The following HPSE2 variants were observed in gnomAD, a reference collection of about 807,000 sequenced individuals.
HPSE2 encodes the protein inactive heparanase-2.
Under a neutral mutation model 60.5 loss-of-function variants are expected in HPSE2, and 38 were observed. The observed-to-expected ratio is 0.63, with a 90% CI of 0.48 to 0.82. The LOEUF is 0.82. Among genes scored for constraint, HPSE2 ranks in the 40% least tolerant of loss-of-function variants. HPSE2 has a pLI of 0.00. For synonymous variants in HPSE2, 295 were observed against 293.2 expected (o/e 1.01, Z -0.06); for missense variants, 713 against 740.4 (o/e 0.96, Z 0.43).
At chr10:98,789,078 A>G (rs922652367) in intron 3 of HPSE2, among the ~76,000 whole-genome samples, 2 of 152,174 alleles carry the variant, frequency 1.3e-5, no homozygotes, top group African/African-American at 4.8e-5. Context: ...CTTCCCCAGT[A>G]GAATGTAAGC....
chr10:98,753,369 AC>A lies in HPSE2; in HGVS notation c.611-9314del, dbSNP rs202042489. 1.4e-4 allele frequency among the ~76,000 whole-genome samples: 22 copies of A among 152,290 alleles called. No homozygotes were observed. In the East Asian group the frequency reaches 4.2e-3, roughly 29 times the overall value. ...TTCTCAAAAAGCTAGATCTAAAATT[AC>A]CATATGATTCACAATTTCACTCCTA... is the stretch of plus-strand genomic sequence containing the variant. On this transcript the variant is annotated intron_variant, in intron 3 of 11. Transcript: ENST00000370552.
At chr10:99,202,922 G>A (rs1187695026) in intron 2 of HPSE2, among the ~76,000 whole-genome samples, 1 of 151,834 alleles carries the variant, frequency 6.6e-6, no homozygotes, top group African/African-American at 2.4e-5. Flanking sequence ...AGCACATCAT[G>A]GAGAGAGAAG....
the HPSE2 span, among the ~76,000 whole-genome samples, chr10:99,262,317 A>C: frequency 6.6e-6 from 1 of 152,068 alleles, no homozygotes; most frequent in Non-Finnish European, 1.5e-5. Flanking sequence ...ACTCCTTTTT[A>C]GTTATCCCTA....
rs952489087 is a variant in HPSE2, at chr10:98,569,911, A to C, written c.1320+44993T>G. ...CTCCAACTCCCAAACAACTGCCACA[A>C]ATTAAACTTCTTCATATCCATTTTC... On this transcript the variant is annotated intron_variant, in intron 9 of 11. Coordinates refer to ENST00000370552, the MANE Select transcript of HPSE2 (RefSeq NM_021828.5). 3.3e-5 allele frequency among the ~76,000 whole-genome samples: 5 copies of C among 152,216 alleles called. No individual in the cohort carries two copies. In the South Asian group the frequency reaches 1.0e-3, roughly 32 times the overall value.
chr10:98,793,970 G>A (rs925390105), intron 3 of HPSE2, among the ~76,000 whole-genome samples: 2 of 152,186 alleles, frequency 1.3e-5, no homozygotes, highest in African/African-American at 4.8e-5. Flanking sequence ...AGATCATGAA[G>A]GAGTTATACA....
chr10:98,923,569 T>G (rs564652911), intron 3 of HPSE2, among the ~76,000 whole-genome samples: 2 of 152,234 alleles, frequency 1.3e-5, no homozygotes, highest in African/African-American at 4.8e-5. Context: ...CTTGTAGGCA[T>G]GCTTCATTCT....
At chr10:98,528,459 CA>C (rs200929021) in intron 9 of HPSE2, among the ~76,000 whole-genome samples, 4 of 150,702 alleles carry the variant, frequency 2.7e-5, no homozygotes, top group Middle Eastern at 3.4e-3. Flanking sequence ...GCTGGAATTA[CA>C]AAAAAAAAGC....
intron 3 of HPSE2, among the ~76,000 whole-genome samples, chr10:99,139,164 C>CT (rs2135762763): frequency 6.6e-6 from 1 of 152,244 alleles, no homozygotes; most frequent in South Asian, 2.1e-4. Context: ...GTCCATTACT[C>CT]TAAGTGCAGT....
intron 6 of HPSE2, among the ~76,000 whole-genome samples, chr10:98,691,668 G>A (rs1467021982): frequency 6.6e-6 from 1 of 152,108 alleles, no homozygotes; most frequent in Non-Finnish European, 1.5e-5. Context: ...TTCAGTAAAG[G>A]GACATTATCT....
chr10:99,129,415 T>C (rs562027147), intron 3 of HPSE2, among the ~76,000 whole-genome samples: 3 of 152,256 alleles, frequency 2.0e-5, no homozygotes, highest in Admixed American at 6.5e-5. Flanking sequence ...TTTTTAAAAA[T>C]TGAAATTATA....
chr10:98,831,608 A>G (rs1951685081), intron 3 of HPSE2, among the ~76,000 whole-genome samples: 2 of 152,212 alleles, frequency 1.3e-5, no homozygotes, highest in Non-Finnish European at 1.5e-5. Flanking sequence ...TTGTTCTCCA[A>G]CAGATAAGAG....
intron 2 of HPSE2, among the ~76,000 whole-genome samples, chr10:99,188,691 G>A (rs1218540448): frequency 1.3e-5 from 2 of 152,218 alleles, no homozygotes; most frequent in Non-Finnish European, 2.9e-5. Context: ...ATGTTTGGGA[G>A]TAAAAGTAGG....
chr10:98,698,448 C>G (rs1255088649), intron 5 of HPSE2, among the ~76,000 whole-genome samples: 2 of 151,848 alleles, frequency 1.3e-5, no homozygotes, highest in South Asian at 4.2e-4. Flanking sequence ...CCAACGAGAA[C>G]AAAGACACAA....
chr10:98,868,257 C>T (rs868630396), intron 3 of HPSE2, among the ~76,000 whole-genome samples: 8 of 151,914 alleles, frequency 5.3e-5, no homozygotes, highest in South Asian at 2.1e-4. Context: ...AGACAAACAT[C>T]GCATATTCTC....
At chr10:98,776,736 T>G (rs1390297727) in intron 3 of HPSE2, among the ~76,000 whole-genome samples, 3 of 151,460 alleles carry the variant, frequency 2.0e-5, no homozygotes, top group Middle Eastern at 6.9e-3. Context: ...GGTGGGGTAG[T>G]GGGTGGGAAT....
chr10:99,122,759 A>T (rs1388869288), intron 3 of HPSE2, among the ~76,000 whole-genome samples: 1 of 152,136 alleles, frequency 6.6e-6, no homozygotes, highest in Non-Finnish European at 1.5e-5. Context: ...ATGTAATTCC[A>T]AATGGAATCC....
chr10:98,561,279 G>A lies in HPSE2; in HGVS notation c.1320+53625C>T, dbSNP rs150123388. Among the ~76,000 whole-genome samples the A allele has an allele frequency of 4.4e-3, 670 of 151,264 alleles. 6 individuals carry two copies. Among genetic ancestry groups the A allele is most frequent in the African/African-American group, 0.015 (630 of 41,310 alleles). On this transcript the variant is annotated intron_variant, in intron 9 of 11. Transcript: ENST00000370552. Reference sequence around the variant, plus strand: ...CCTCCAGGGTTCAAGCAATCCTCCTGCCTCAGTCTCCCGAGTAGGAAACTG... The same window carrying A: ...CCTCCAGGGTTCAAGCAATCCTCCTACCTCAGTCTCCCGAGTAGGAAACTG...
chr10:98,982,100 T>A (rs1956221229), intron 3 of HPSE2, among the ~76,000 whole-genome samples: 1 of 151,954 alleles, frequency 6.6e-6, no homozygotes, highest in South Asian at 2.1e-4. Context: ...TTTTAAATAA[T>A]TTTTTTAGAG....
At chr10:99,304,367 T>C in the HPSE2 span, among the ~76,000 whole-genome samples, 2 of 152,350 alleles carry the variant, frequency 1.3e-5, no homozygotes, top group East Asian at 3.9e-4. Context: ...TAAATATGAC[T>C]GCAAAGCTGC....
Sources: allele counts gnomAD v4.1 joint callset (sites outside exome capture counted in the v4.1 genomes callset), GRCh38; gene constraint gnomAD v4.1.1; transcripts MANE v1.5; gene names NCBI Gene and HGNC (gene_info 2026-07-23, HGNC 2026-07-21).